Variants in ENOX2 observed in about 807,000 individuals in gnomAD.
The protein encoded by ENOX2 is ecto-NOX disulfide-thiol exchanger 2.
A neutral mutation model predicts 45.0 loss-of-function variants in ENOX2; 36 were observed. That is an observed-to-expected ratio of 0.80 (90% CI 0.61 to 1.06). The LOEUF (loss-of-function observed/expected upper bound fraction) is 1.06. ENOX2 is among the 50% of genes least tolerant of loss of function. The pLI is 0.00. For synonymous variants in ENOX2, 174 were observed against 152.3 expected (o/e 1.14, Z -1.05); for missense variants, 423 against 462.5 (o/e 0.91, Z 0.78).
intron 12 of ENOX2, among the ~76,000 whole-genome samples, chrX:130,634,426 G>C (rs961604056): frequency 1.8e-5 from 2 of 111,646 alleles, no homozygotes; most frequent in African/African-American, 6.5e-5. Context: ...ATTGCTGAGA[G>C]CTCTCAATTG....
At chrX:130,646,771 GC>G (rs1035990239) in intron 10 of ENOX2, among the ~76,000 whole-genome samples, 1 of 112,336 alleles carries the variant, frequency 8.9e-6, no homozygotes, top group Non-Finnish European at 1.9e-5. Context: ...AAAATGCCTT[GC>G]CCTTCTAGTT....
chrX:130,802,314 CTGTATCACCAAATATAT>C (rs2077230790), intron 2 of ENOX2, among the ~76,000 whole-genome samples: 1 of 112,269 alleles, frequency 8.9e-6, no homozygotes, highest in African/African-American at 3.2e-5. Flanking sequence ...TAGAGGTGAA[CTGTATCACCAAATATAT>C]TGTCTTGCTT....
chrX:130,665,805 AAG>A (rs2036820502), intron 8 of ENOX2, 56 bp from the exon 9 acceptor site: 6 of 693,032 alleles, frequency 8.7e-6, no homozygotes, highest in Non-Finnish European at 1.4e-5. Context: ...GGGATGGAAA[AAG>A]AGAGGAGAAA....
chrX:130,891,227 C>T (rs1237118117), intron 2 of ENOX2, among the ~76,000 whole-genome samples: 1 of 109,681 alleles, frequency 9.1e-6, no homozygotes, highest in Non-Finnish European at 1.9e-5. Flanking sequence ...AAAAGAAATA[C>T]ACTTCATTTA....
At chrX:130,856,818 T>C (rs2078315080) in intron 2 of ENOX2, among the ~76,000 whole-genome samples, 1 of 111,356 alleles carries the variant, frequency 9.0e-6, no homozygotes, top group African/African-American at 3.3e-5. Flanking sequence ...TTTGGCACAA[T>C]GGAATTAAAT....
intron 2 of ENOX2, among the ~76,000 whole-genome samples, chrX:130,873,810 G>T (rs1391793535): frequency 9.2e-6 from 1 of 108,542 alleles, no homozygotes; most frequent in Non-Finnish European, 1.9e-5. Context: ...AACCAAACAC[G>T]ACATGTTCTC....
In ENOX2 at chrX:130,623,725, G is replaced by C. The variant is rs1466381932; in HGVS notation, c.*1589C>G. On this transcript the variant is annotated 3_prime_UTR_variant, in exon 15 of 15. Transcript: ENST00000394363. ...GAGCTTCCTGCTGGTGCCACAGCAG[G>C]GTGCTTCAGGGGGAAGCCAGTTTTC... 2 of 111,202 alleles carry C rather than the reference G, an allele frequency of 1.8e-5. No homozygotes were observed. The highest frequency in any genetic ancestry group is 9.6e-5 in the Admixed American group (1 of 10,436). 9.2% of individuals were successfully genotyped at this position (111,202 alleles called of 1,213,427 possible).
chrX:130,786,013 T>C (rs974093449), intron 2 of ENOX2, among the ~76,000 whole-genome samples: 1 of 112,751 alleles, frequency 8.9e-6, no homozygotes, highest in African/African-American at 3.2e-5. Flanking sequence ...TCTAAGTAAA[T>C]TAAAACAAAC....
intron 10 of ENOX2, among the ~76,000 whole-genome samples, chrX:130,641,788 C>T (rs1402354507): frequency 9.6e-6 from 1 of 104,633 alleles, no homozygotes; most frequent in African/African-American, 3.5e-5. Flanking sequence ...AGAAACGGAA[C>T]AACAAAGTCT....
At chrX:130,650,152 A>G (rs2036360683) in intron 10 of ENOX2, among the ~76,000 whole-genome samples, 1 of 112,498 alleles carries the variant, frequency 8.9e-6, no homozygotes, top group African/African-American at 3.2e-5. Context: ...CATGTTCTAC[A>G]TGTCACACGG....
intron 2 of ENOX2, among the ~76,000 whole-genome samples, chrX:130,837,591 G>A (rs997698463): frequency 2.5e-4 from 28 of 111,337 alleles, no homozygotes; most frequent in African/African-American, 8.8e-4. Flanking sequence ...CCATTCCACC[G>A]CCAGACAGTT....
chrX:130,752,620 T>C (rs1033872771), intron 3 of ENOX2, among the ~76,000 whole-genome samples: 1 of 111,228 alleles, frequency 9.0e-6, no homozygotes, highest in Non-Finnish European at 1.9e-5. Flanking sequence ...AGTTTCTTTT[T>C]GCCTCTTTCT....
At chrX:130,866,147 G>A (rs878922806) in intron 2 of ENOX2, among the ~76,000 whole-genome samples, 2 of 111,310 alleles carry the variant, frequency 1.8e-5, no homozygotes, top group Admixed American at 1.9e-4. Flanking sequence ...CAGTCATCTA[G>A]TCTCAATATC....
chrX:130,823,535 T>C (rs1170886473), intron 2 of ENOX2, among the ~76,000 whole-genome samples: 1 of 112,142 alleles, frequency 8.9e-6, no homozygotes, highest in East Asian at 2.8e-4. Context: ...AGGGCAATAA[T>C]TTATAAGTCA....
intron 2 of ENOX2, among the ~76,000 whole-genome samples, chrX:130,891,277 T>C (rs1401723975): frequency 9.1e-6 from 1 of 109,957 alleles, no homozygotes; most frequent in Non-Finnish European, 1.9e-5. Flanking sequence ...AGAAATAACC[T>C]AATATACTTT....
rs865910419 is a variant in ENOX2, at chrX:130,634,889, C to T, written c.1419+95G>A. ...CCAATCGGCCAAAAATGTTTGGCCC[C>T]ATTGATTTCTAGGGCATAACTTCCA... On this transcript the variant is annotated intron_variant, in intron 12 of 14. Transcript: ENST00000394363. 35 of 471,283 alleles carry T rather than the reference C, an allele frequency of 7.4e-5. 1 individual carries two copies. The Middle Eastern group carries it at 6.7e-3, about 91-fold the overall frequency. 38.8% of individuals were successfully genotyped at this position (471,283 alleles called of 1,213,427 possible).
intron 12 of ENOX2, 81 bp downstream of exon 12, chrX:130,634,903 G>A (rs2035890790): frequency 1.9e-6 from 1 of 517,019 alleles, no homozygotes; most frequent in East Asian, 3.7e-5. Flanking sequence ...GATTTCTAGG[G>A]CATAACTTCC....
chrX:130,770,244 T>G (rs758749153), intron 3 of ENOX2, among the ~76,000 whole-genome samples: 78 of 112,193 alleles, frequency 7.0e-4, no homozygotes, highest in Non-Finnish European at 1.3e-3. Flanking sequence ...AGAGCTTTAC[T>G]GCCAACCACT....
rs781509194 is a variant in ENOX2 at position 130,697,335 on chromosome X, C to T, written c.97+5785G>A. The stretch of plus-strand genomic sequence containing the variant: ...TAAAACAATACTTATGTACAAGTTT[C>T]TATTATGACACTTGCAACATGATAG... On this transcript the variant is annotated intron_variant, in intron 4 of 14. Transcript: ENST00000394363. 1.1e-4 allele frequency among the ~76,000 whole-genome samples: 12 copies of T among 112,379 alleles called. No individual in the cohort carries two copies. The East Asian group carries it at 3.3e-3, about 31-fold the overall frequency.
Sources: gnomAD v4.1 joint callset for allele counts (sites outside exome capture counted in the v4.1 genomes callset) on GRCh38, gnomAD v4.1.1 for gene constraint, MANE v1.5 for transcripts, NCBI Gene and HGNC (gene_info 2026-07-23, HGNC 2026-07-21) for gene names.